TNS3: variants seen among roughly 807,000 people sequenced by gnomAD.
The protein encoded by TNS3 is tensin 3.
In TNS3, 45 loss-of-function variants were observed where a neutral mutation model predicts 140.9. The observed-to-expected ratio is 0.32, with a 90% CI of 0.25 to 0.41. TNS3 has a LOEUF of 0.41. Among genes scored for constraint, TNS3 ranks in the 10% least tolerant of loss-of-function variants. The probability of loss-of-function intolerance (pLI) is 1.00; values close to 1 mark genes in which losing one functional copy is unlikely to be tolerated. For synonymous variants in TNS3, 815 were observed against 788.4 expected (o/e 1.03, Z -0.56); for missense variants, 1,716 against 1,906.7 (o/e 0.90, Z 1.86).
chr7:47,379,166 G>A (rs557565135), intron 16 of TNS3, among the ~76,000 whole-genome samples: 2 of 152,288 alleles, frequency 1.3e-5, no homozygotes, highest in South Asian at 4.1e-4. Context: ...CCCGGGCAGT[G>A]TCCCAAGGGT....
At chr7:47,481,443 C>A (rs897709142) in intron 3 of TNS3, among the ~76,000 whole-genome samples, 1 of 152,142 alleles carries the variant, frequency 6.6e-6, no homozygotes, top group African/African-American at 2.4e-5. Flanking sequence ...AACTGGTAGA[C>A]CTCAAGGATG....
rs77586859 is a variant in TNS3, at chr7:47,420,801, C to T, written c.473+3300G>A. On this transcript the variant is annotated intron_variant, in intron 10 of 30. Transcript: ENST00000311160. ...GTCTCTTTTTCTGCCTTATATCCCT[C>T]AGTCAAATTCTTTCTTCTGAGCAGG... 2.8e-3 allele frequency among the ~76,000 whole-genome samples: 423 copies of T among 152,352 alleles called. 1 individual carries two copies. The highest frequency in any genetic ancestry group is 9.6e-3 in the African/African-American group (399 of 41,578).
chr7:47,490,539 G>C (rs1584763047), intron 3 of TNS3, among the ~76,000 whole-genome samples: 1 of 152,226 alleles, frequency 6.6e-6, no homozygotes, highest in African/African-American at 2.4e-5. Flanking sequence ...TGCTGTGAGT[G>C]GTGGAATATG....
At chr7:47,352,156 C>T (rs753298231) in intron 17 of TNS3, among the ~76,000 whole-genome samples, 6 of 152,076 alleles carry the variant, frequency 3.9e-5, no homozygotes, top group Admixed American at 6.5e-5. Context: ...CTTGCACTAA[C>T]ACTCTCACCC....
At chr7:47,504,529 G>A (rs886653192) in intron 3 of TNS3, among the ~76,000 whole-genome samples, 1 of 152,230 alleles carries the variant, frequency 6.6e-6, no homozygotes, top group Non-Finnish European at 1.5e-5. Flanking sequence ...TCTGATGCCA[G>A]ACCAAAGCCT....
intron 17 of TNS3, among the ~76,000 whole-genome samples, chr7:47,364,530 C>T (rs1790581228): frequency 6.6e-6 from 1 of 152,098 alleles, no homozygotes; most frequent in Non-Finnish European, 1.5e-5. Context: ...GATCTGCCTG[C>T]CTCGGCCCAG....
At chr7:47,529,246 A>G (rs1562833881) in intron 1 of TNS3, 99 bp from the exon 2 acceptor site, 1 of 672,054 alleles carries the variant, frequency 1.5e-6, no homozygotes, top group African/African-American at 1.9e-5. Flanking sequence ...GGAATTGTAA[A>G]GAGCAAAAAC....
chr7:47,486,114 GT>G (rs1797605774), intron 3 of TNS3, among the ~76,000 whole-genome samples: 1 of 151,916 alleles, frequency 6.6e-6, no homozygotes, highest in African/African-American at 2.4e-5. Context: ...GTTTGACTAG[GT>G]ATATTTTACT....
upstream of TNS3, chr7:47,582,407 C>G (rs1161032794): frequency 2.2e-6 from 1 of 456,266 alleles, no homozygotes; most frequent in African/African-American, 2.0e-5. Context: ...GCAGGTTCCG[C>G]CGGGCCGGTG....
Position 47,369,034 on chromosome 7 carries a change from C to A in TNS3, c.1612G>T (p.Val538Phe). The A allele has an allele frequency of 1.9e-6, 3 of 1,614,016 alleles. No homozygotes were observed. Among genetic ancestry groups the A allele is most frequent in the Non-Finnish European group, 2.5e-6 (3 of 1,180,036 alleles). Residue 538 changes from valine (V) to phenylalanine (F), a missense_variant, in exon 17 of 31, where the codon GTT (valine) becomes TTT (phenylalanine). Val to Phe is a conservative substitution (Grantham distance 50). This residue lies in a region of TNS3 where 1,163 missense variants were observed against 1,182.1 expected (regional missense o/e 0.98). Coordinates refer to ENST00000311160, the MANE Select transcript of TNS3 (RefSeq NM_022748.12). ...NVGEDPQGTL[V>F]PDLGLGMDGP... ...TCCATGCCAAGGCCCAGGTCCGGAA[C>A]GAGGGTGCCCTGCGGATCTTCACCA...
chr7:47,505,628 GCA>G (rs1798387408), intron 3 of TNS3, among the ~76,000 whole-genome samples: 3 of 152,210 alleles, frequency 2.0e-5, no homozygotes, highest in Admixed American at 1.3e-4. Context: ...CTCTGCTCCT[GCA>G]CGTGCTCGGC....
At chr7:47,562,455 C>T (rs1031914823) in intron 1 of TNS3, among the ~76,000 whole-genome samples, 7 of 150,616 alleles carry the variant, frequency 4.6e-5, no homozygotes, top group South Asian at 2.1e-4. Context: ...GGCGCTATCT[C>T]GGCTCACTGC....
In TNS3 at chr7:47,368,457, G is replaced by A; in HGVS notation, c.2189C>T (p.Ser730Phe). ...ACCTCCCACGCTGTCTGGAGACACA[G>A]AGCCATTGGCCTGGCTACCGAGGGC... ...MNALGSQANG[S>F]VSPDSVGGGL... Residue 730 changes from serine (S) to phenylalanine (F), a missense_variant, in exon 17 of 31, where the codon TCT becomes TTT. Coordinates refer to ENST00000311160, the MANE Select transcript of TNS3 (RefSeq NM_022748.12). 6.3e-7 allele frequency: 1 copy of A among 1,581,784 alleles called. No homozygotes were observed. Among genetic ancestry groups the A allele is most frequent in the South Asian group, 1.1e-5 (1 of 87,588 alleles).
intron 1 of TNS3, among the ~76,000 whole-genome samples, chr7:47,571,025 G>A (rs892246133): frequency 6.6e-6 from 1 of 152,138 alleles, no homozygotes; most frequent in African/African-American, 2.4e-5. Context: ...AAGGGACATA[G>A]CCTGGGAAGG....
At chr7:47,399,736 T>A (rs910299894) in intron 15 of TNS3, among the ~76,000 whole-genome samples, 1 of 152,172 alleles carries the variant, frequency 6.6e-6, no homozygotes, top group East Asian at 1.9e-4. Context: ...GAAGACAACC[T>A]AGGAAAAACT....
At chr7:47,574,783 A>G (rs1800638552) in intron 1 of TNS3, among the ~76,000 whole-genome samples, 1 of 152,100 alleles carries the variant, frequency 6.6e-6, no homozygotes. Flanking sequence ...GTATGATTCC[A>G]CTTGTATGAG....
chr7:47,452,768 C>A (rs1796073562), intron 4 of TNS3, among the ~76,000 whole-genome samples: 1 of 152,170 alleles, frequency 6.6e-6, no homozygotes, highest in South Asian at 2.1e-4. Flanking sequence ...CAAGGTCCCA[C>A]CGAACATCTG....
chr7:47,539,193 AG>A, intron 1 of TNS3: 2 of 453,974 alleles, frequency 4.4e-6, no homozygotes, highest in South Asian at 3.1e-5. Flanking sequence ...GGGTCCACCC[AG>A]GAACAACGGC....
intron 4 of TNS3, among the ~76,000 whole-genome samples, chr7:47,449,432 T>C (rs1158616599): frequency 2.6e-5 from 4 of 152,188 alleles, no homozygotes; most frequent in African/African-American, 9.7e-5. Context: ...CCAGGTTCTT[T>C]GCACATACCA....
Sources: gnomAD v4.1 joint callset for allele counts (sites outside exome capture counted in the v4.1 genomes callset) on GRCh38, gnomAD v4.1.1 for gene constraint, gnomAD v4.1.1 regional missense constraint, MANE v1.5 for transcripts, NCBI Gene and HGNC (gene_info 2026-07-23, HGNC 2026-07-21) for gene names.